Variants in WDR5 observed in about 807,000 individuals in gnomAD.
WDR5 encodes the protein WD repeat domain 5, also known as WD repeat-containing protein 5.
For synonymous variants in WDR5, 144 were observed against 161.6 expected (o/e 0.89, Z 0.83); for missense variants, 187 against 416.9 (o/e 0.45, Z 4.80).
chr9:134,155,925 A>G (rs1210642742), intron 12 of WDR5, among the ~76,000 whole-genome samples, 158 bp downstream of exon 12: 1 of 152,258 alleles, frequency 6.6e-6, no homozygotes, highest in Non-Finnish European at 1.5e-5. Flanking sequence ...TACCGGGGAC[A>G]CCTTGTCCCG....
chr9:134,146,396 G>T (rs1435563895), intron 7 of WDR5, among the ~76,000 whole-genome samples: 1 of 152,106 alleles, frequency 6.6e-6, no homozygotes, highest in Non-Finnish European at 1.5e-5. Flanking sequence ...CACCACGCCT[G>T]GTTAAGTTTT....
At chr9:134,154,291 T>A (rs956240479) in intron 9 of WDR5, among the ~76,000 whole-genome samples, 175 bp from the exon 10 acceptor site, 1 of 152,126 alleles carries the variant, frequency 6.6e-6, no homozygotes, top group Non-Finnish European at 1.5e-5. Flanking sequence ...TGCTCACGGC[T>A]GGTGTGCGTG....
At position 134,157,468 on chromosome 9, in the gene WDR5, C is replaced by T. The variant is rs1334473494; in HGVS notation, c.905-425C>T. 6.6e-6 allele frequency among the ~76,000 whole-genome samples: 1 copy of T among 151,994 alleles called. No individual in the cohort carries two copies. Reference sequence around the variant, plus strand: ...GGGGAGGCGGTGGGAGTGGGCGGCTCAGGGTCCGAGGAGAAGAGGGACATT... The same window carrying T: ...GGGGAGGCGGTGGGAGTGGGCGGCTTAGGGTCCGAGGAGAAGAGGGACATT... On this transcript the variant is annotated intron_variant, in intron 13 of 13. Coordinates refer to ENST00000358625, the MANE Select transcript of WDR5 (RefSeq NM_017588.3). The surrounding 1 kb of genome is among the most constrained non-coding windows in gnomAD (Gnocchi z 5.0).
Position 134,138,059 on chromosome 9 carries a change from CAAGTT to C in WDR5, c.-58-1757_-58-1753del, listed in dbSNP as rs557644754. ...GCCCAGCCATCATATTCTTAAAAGT[CAAGTT>C]AAGGTTGTTTTGTTTGTTTCTTTTA... On this transcript the variant is annotated intron_variant, in intron 1 of 13. Transcript: ENST00000358625. 3.2e-4 allele frequency among the ~76,000 whole-genome samples: 48 copies of C among 152,298 alleles called. No homozygotes were observed. The East Asian group carries it at 8.9e-3, about 28-fold the overall frequency.
At chr9:134,145,096 G>GTTTTTTGTT (rs1316019740) in intron 7 of WDR5, among the ~76,000 whole-genome samples, 9 of 104,666 alleles carry the variant, frequency 8.6e-5, no homozygotes, top group South Asian at 3.5e-4. Flanking sequence ...GTGGGGCTTT[G>GTTTTTTGTT]TTTTTTTTTT....
chr9:134,142,107 G>T, intron 5 of WDR5, 69 bp downstream of exon 5: 1 of 1,346,730 alleles, frequency 7.4e-7, no homozygotes, highest in Non-Finnish European at 1.0e-6. Context: ...GCGGGGGACT[G>T]AGTTGACTGC....
At chr9:134,156,058 G>A (rs532700964) in intron 12 of WDR5, among the ~76,000 whole-genome samples, 1 of 152,356 alleles carries the variant, frequency 6.6e-6, no homozygotes, top group East Asian at 1.9e-4. Flanking sequence ...GTGTGCTCAG[G>A]GTGTCCCTGG....
At chr9:134,141,644 G>T in intron 4 of WDR5, 61 bp downstream of exon 4, 1 of 1,544,688 alleles carries the variant, frequency 6.5e-7, no homozygotes, top group Middle Eastern at 1.7e-4. Context: ...AGTGATCAAG[G>T]GGTCAGGGCT....
At chr9:134,139,738 T>A (rs1030826792) in intron 1 of WDR5, 82 bp from the exon 2 acceptor site, 1 of 904,288 alleles carries the variant, frequency 1.1e-6, no homozygotes. Flanking sequence ...CAAATGTTTT[T>A]CTTTTCATCC....
At chr9:134,137,142 A>G (rs756453660) in intron 1 of WDR5, among the ~76,000 whole-genome samples, 9 of 152,150 alleles carry the variant, frequency 5.9e-5, no homozygotes, top group Non-Finnish European at 1.2e-4. Context: ...TGAGGGACTC[A>G]GGAATCGGCC....
At position 134,158,059 on chromosome 9, in the gene WDR5, T is replaced by C; in HGVS notation, c.*66T>C. 1 of 1,463,442 alleles carries C rather than the reference T, an allele frequency of 6.8e-7. No homozygotes were observed. Among genetic ancestry groups the C allele is most frequent in the Non-Finnish European group, 9.6e-7 (1 of 1,046,018 alleles). 90.7% of individuals were successfully genotyped at this position (1,463,442 alleles called of 1,614,324 possible). ...ACCCGGATTGGCAAGAAACAGGGTG[T>C]CTTGGAGGTGGTCCCCCAGATCTGC... On this transcript the variant is annotated 3_prime_UTR_variant, in exon 14 of 14. Transcript: ENST00000358625.
intron 7 of WDR5, among the ~76,000 whole-genome samples, chr9:134,146,357 C>T (rs1265344057): frequency 4.6e-5 from 7 of 152,110 alleles, no homozygotes; most frequent in Non-Finnish European, 8.8e-5. Context: ...GCCTCAGCCC[C>T]CCAAGTAGCT....
chr9:134,157,884 T>C lies in WDR5; in HGVS notation c.905-9T>C. The C allele has an allele frequency of 1.2e-6, 2 of 1,614,036 alleles. No homozygotes were observed. The highest frequency in any genetic ancestry group is 1.7e-6 in the Non-Finnish European group (2 of 1,179,878). On this transcript the variant is annotated splice_polypyrimidine_tract_variant and intron_variant, in intron 13 of 13. Transcript: ENST00000358625. The surrounding 1 kb of genome is among the most constrained non-coding windows in gnomAD (Gnocchi z 5.0). Reference sequence around the variant, plus strand: ...ATGGCTCTGGTTCTGACTGTGTCTTTGTTTTCAGATGTCGTGATCTCAACA... The same window carrying C: ...ATGGCTCTGGTTCTGACTGTGTCTTCGTTTTCAGATGTCGTGATCTCAACA...
intron 4 of WDR5, 146 bp from the exon 5 acceptor site, chr9:134,141,802 GT>G: frequency 2.2e-6 from 2 of 896,394 alleles, no homozygotes; most frequent in Non-Finnish European, 1.7e-6. Context: ...AAAGCCTGCT[GT>G]TTTTCTCCTG....
rs1000973841 is a variant in WDR5 at position 134,140,909 on chromosome 9, G to A, written c.190+98G>A. 1.2e-5 allele frequency: 15 copies of A among 1,205,796 alleles called. No homozygotes were observed. The African/African-American group carries it at 1.8e-4, about 14-fold the overall frequency. 74.7% of individuals were successfully genotyped at this position (1,205,796 alleles called of 1,614,324 possible). A position where few individuals can be genotyped will look rare whatever the true frequency, so the allele number is the denominator to read the frequency against. On this transcript the variant is annotated intron_variant, in intron 3 of 13. Coordinates refer to ENST00000358625, the MANE Select transcript of WDR5 (RefSeq NM_017588.3). Reference sequence around the variant, plus strand: ...GGCTTGCTTCCTCACCTACCGCTGGGGAGACGTAGCAGGCCGCTGGGGGGC... The same window carrying A: ...GGCTTGCTTCCTCACCTACCGCTGGAGAGACGTAGCAGGCCGCTGGGGGGC...
At chr9:134,153,480 C>T (rs146049916) in intron 9 of WDR5, among the ~76,000 whole-genome samples, 180 of 152,382 alleles carry the variant, frequency 1.2e-3, no homozygotes, top group African/African-American at 4.1e-3. Flanking sequence ...CATGCGGACA[C>T]GCTTGCCATC....
At chr9:134,151,123 T>C (rs1214766131) in intron 8 of WDR5, among the ~76,000 whole-genome samples, 2 of 152,152 alleles carry the variant, frequency 1.3e-5, no homozygotes, top group African/African-American at 4.8e-5. Flanking sequence ...AGGATGGAGC[T>C]GTTGCTGAGA....
upstream of WDR5, chr9:134,135,800 G>C (rs2132509694): frequency 6.6e-6 from 1 of 152,320 alleles, no homozygotes; most frequent in East Asian, 1.9e-4. Flanking sequence ...TGTGTACAGG[G>C]CGTGCTGTCT....
chr9:134,153,595 C>T (rs773314207), intron 9 of WDR5, among the ~76,000 whole-genome samples: 1 of 152,236 alleles, frequency 6.6e-6, no homozygotes, highest in Admixed American at 6.5e-5. Context: ...GGCCTCACAG[C>T]GTCTCCCGTG....
Sources: gnomAD v4.1 joint callset for allele counts (sites outside exome capture counted in the v4.1 genomes callset) on GRCh38, gnomAD v4.1.1 for gene constraint, Gnocchi (gnomAD v3.1) non-coding constraint, MANE v1.5 for transcripts, NCBI Gene and HGNC (gene_info 2026-07-23, HGNC 2026-07-21) for gene names.